Variants in ZFR2 observed in about 807,000 individuals in gnomAD.
ZFR2 encodes the protein zinc finger RNA binding protein 2.
In ZFR2, 104 loss-of-function variants were observed where a neutral mutation model predicts 105.7. The ratio of observed to expected loss-of-function variants is 0.98; its 90% CI spans 0.84 to 1.16. ZFR2 has a LOEUF of 1.16. Ranked by LOEUF, ZFR2 falls within the 50% of genes most tolerant of loss-of-function variation. The pLI, the probability that ZFR2 is intolerant of heterozygous loss-of-function variation, is 0.00. For missense variants in ZFR2, 1,425 were observed against 1,355.5 expected (o/e 1.05, Z -0.80); for synonymous variants, 634 against 597.7 (o/e 1.06, Z -0.89).
intron 1 of ZFR2, among the ~76,000 whole-genome samples, chr19:3,850,144 C>T (rs932353238): frequency 1.3e-5 from 2 of 152,136 alleles, no homozygotes; most frequent in African/African-American, 4.8e-5. Flanking sequence ...GAAACCCAGG[C>T]ACCCTCTGGG....
chr19:3,851,050 C>A (rs1465512628), intron 1 of ZFR2, among the ~76,000 whole-genome samples: 1 of 152,030 alleles, frequency 6.6e-6, no homozygotes, highest in Admixed American at 6.6e-5. Context: ...AGATCTCACA[C>A]TTCTGGCCTC....
chr19:3,827,409 C>G (rs1377500731), intron 6 of ZFR2, 62 bp downstream of exon 6: 6 of 1,445,732 alleles, frequency 4.2e-6, no homozygotes, highest in Non-Finnish European at 5.4e-6. Context: ...CTGTGGGTCC[C>G]AAGTGCTGAC....
chr19:3,807,547 A>G (rs899635099), intron 17 of ZFR2, among the ~76,000 whole-genome samples: 2 of 127,848 alleles, frequency 1.6e-5, no homozygotes, highest in African/African-American at 6.6e-5. Context: ...GCATATACAC[A>G]TACGCTGACG....
At position 3,825,308 on chromosome 19, in the gene ZFR2, G is replaced by C. The variant is rs1387890950; in HGVS notation, c.1135C>G (p.Pro379Ala). 6.3e-7 allele frequency: 1 copy of C among 1,581,796 alleles called. No homozygotes were observed. The highest frequency in any genetic ancestry group is 1.2e-5 in the South Asian group (1 of 85,998). ...GAGGCACACACGCTGGGGCCAGTGG[G>C]GGACGTGGGCTTGGCCTCTGCCCCG... ...PPGAEAKPTSPTGPSVCASSR... is the reference protein window; with the variant it reads ...PPGAEAKPTSATGPSVCASSR... Residue 379 changes from proline to alanine, a missense_variant, in exon 7 of 19, where the codon CCC becomes GCC. Coordinates refer to ENST00000262961, the MANE Select transcript of ZFR2 (RefSeq NM_015174.2).
intron 11 of ZFR2, 136 bp downstream of exon 11, chr19:3,820,046 A>T: frequency 1.2e-6 from 1 of 800,790 alleles, no homozygotes; most frequent in Non-Finnish European, 2.0e-6. Flanking sequence ...TGGAGTGAGG[A>T]GGCCTGGGCC....
At chr19:3,826,813 G>T (rs1490307926) in intron 6 of ZFR2, among the ~76,000 whole-genome samples, 1 of 152,132 alleles carries the variant, frequency 6.6e-6, no homozygotes, top group Non-Finnish European at 1.5e-5. Flanking sequence ...ACCTCAAAGG[G>T]AACACAGCAT....
chr19:3,853,153 T>C (rs1430679036), intron 1 of ZFR2, among the ~76,000 whole-genome samples: 1 of 152,172 alleles, frequency 6.6e-6, no homozygotes, highest in Non-Finnish European at 1.5e-5. Flanking sequence ...CTGGGGTCCC[T>C]GGGGCTGGGG....
intron 2 of ZFR2, among the ~76,000 whole-genome samples, 153 bp from the exon 3 acceptor site, chr19:3,833,931 AGGCAGGGGGCAGGGGGCAGGG>A (rs558694587): frequency 6.6e-6 from 1 of 151,004 alleles, no homozygotes; most frequent in Non-Finnish European, 1.5e-5. Context: ...CCTGGCCCGG[AGGCAGGGGGCAGGGGGCAGGG>A]GGCAGGGGGC....
At chr19:3,852,517 G>A (rs2038251351) in intron 1 of ZFR2, 3 of 718,640 alleles carry the variant, frequency 4.2e-6, no homozygotes, top group Admixed American at 4.0e-5. Flanking sequence ...CTTGGGCACA[G>A]GGCAGTCACA....
chr19:3,814,013 T>C (rs922934666), intron 13 of ZFR2, 55 bp from the exon 14 acceptor site: 27 of 1,603,964 alleles, frequency 1.7e-5, no homozygotes, highest in Non-Finnish European at 2.0e-5. Flanking sequence ...GATTCATGTG[T>C]AAATCAGCCA....
chr19:3,808,907 A>C lies in ZFR2; in HGVS notation c.2510T>G (p.Val837Gly). The change falls in exon 17 of 19, where the codon GTC (valine) becomes GGC (glycine). Residue 837 changes from valine to glycine, a missense_variant. Physicochemically the swap from Val to Gly is moderately radical, Grantham distance 109. Coordinates refer to ENST00000262961, the MANE Select transcript of ZFR2 (RefSeq NM_015174.2). ...PLGPGDAVRR[V>G]LECVATGTLL... Reference sequence around the variant, plus strand: ...CGTCCCTGTGGCCACGCACTCCAGGACTCGCCTGACTGCATCCCCGGGGCC... The same window carrying C: ...CGTCCCTGTGGCCACGCACTCCAGGCCTCGCCTGACTGCATCCCCGGGGCC... The C allele has an allele frequency of 6.4e-7, 1 of 1,565,036 alleles. No homozygotes were observed.
At chr19:3,819,322 C>G in intron 11 of ZFR2, 87 bp from the exon 12 acceptor site, 7 of 1,359,308 alleles carry the variant, frequency 5.1e-6, no homozygotes, top group Non-Finnish European at 6.7e-6. Context: ...GGCAGGTGGC[C>G]GTGGCCAGCC....
intron 15 of ZFR2, 76 bp from the exon 16 acceptor site, chr19:3,810,921 G>A (rs2037756922): frequency 6.8e-7 from 1 of 1,480,972 alleles, no homozygotes. Context: ...TCTGTCGTGA[G>A]CGTGAACCCC....
intron 1 of ZFR2, among the ~76,000 whole-genome samples, chr19:3,843,169 C>A (rs1455296809): frequency 6.6e-6 from 1 of 152,194 alleles, no homozygotes; most frequent in African/African-American, 2.4e-5. Flanking sequence ...GCAACCCAAC[C>A]GTCCATCAGT....
At chr19:3,867,224 A>C (rs1323584813) in intron 1 of ZFR2, among the ~76,000 whole-genome samples, 1 of 151,774 alleles carries the variant, frequency 6.6e-6, no homozygotes, top group Non-Finnish European at 1.5e-5. Flanking sequence ...GGGGCTCAGC[A>C]GGGACTGTGA....
In ZFR2 at chr19:3,868,973, C is replaced by T; in HGVS notation, c.45G>A (p.Pro15=). The change falls in exon 1 of 19, where the codon CCG becomes CCA. Residue 15 remains proline, a synonymous_variant. Transcript: ENST00000262961. ...QYFDFAQGGG[P]QYSAQPPTLP... ...CGCGGCGGGGCAGTTACCTGTACTG[C>T]GGGCCGCCGCCCTGCGCGAAGTCGA... 2 of 1,355,236 alleles carry T rather than the reference C, an allele frequency of 1.5e-6. No individual in the cohort carries two copies. The highest frequency in any genetic ancestry group is 1.5e-5 in the African/African-American group (1 of 66,204). 84.0% of individuals were successfully genotyped at this position (1,355,236 alleles called of 1,614,324 possible).
Position 3,813,683 on chromosome 19 carries a change from G to T in ZFR2, c.2242+137C>A, listed in dbSNP as rs1288306255. On this transcript the variant is annotated intron_variant, in intron 14 of 18. Transcript: ENST00000262961. This position sits in a 1 kb window ranked among gnomAD's most constrained non-coding sequence, Gnocchi z 4.4. ...GTGTGACCCATGGAATCCTCAGGGG[G>T]ACAGCAGTGCTGGAGCGTGGCTGCT... is the stretch of plus-strand genomic sequence containing the variant. 5.6e-6 allele frequency: 7 copies of T among 1,249,100 alleles called. No homozygotes were observed. Among genetic ancestry groups the T allele is most frequent in the African/African-American group, 1.5e-5 (1 of 66,728 alleles). 77.4% of individuals were successfully genotyped at this position (1,249,100 alleles called of 1,614,324 possible).
At chr19:3,812,682 C>CA (rs2037778558) in intron 14 of ZFR2, among the ~76,000 whole-genome samples, 1 of 152,178 alleles carries the variant, frequency 6.6e-6, no homozygotes, top group Non-Finnish European at 1.5e-5. Context: ...CTTCCCCACA[C>CA]TGTACTTAGT....
In ZFR2 at chr19:3,819,216, G is replaced by C; in HGVS notation, c.1760C>G (p.Ser587Cys). Residue 587 changes from serine (S) to cysteine (C), a missense_variant, in exon 12 of 19, where the codon TCC becomes TGC. Transcript: ENST00000262961. ...GCACATGACGTGCCGGTCGTCGCTG[G>C]ACGCCGGCCGCCGCCCGGGCTGTGG... ...APLQPGRRPA[S>C]SDDRHVMCKH... is the part of the protein sequence containing the mutation. 6.4e-7 allele frequency: 1 copy of C among 1,552,856 alleles called. No homozygotes were observed. The highest frequency in any genetic ancestry group is 8.6e-7 in the Non-Finnish European group (1 of 1,157,416).
Sources: gnomAD v4.1 joint callset for allele counts (sites outside exome capture counted in the v4.1 genomes callset) on GRCh38, gnomAD v4.1.1 for gene constraint, Gnocchi (gnomAD v3.1) non-coding constraint, MANE v1.5 for transcripts, NCBI Gene and HGNC (gene_info 2026-07-23, HGNC 2026-07-21) for gene names.